KCNIP4: variants seen among roughly 807,000 people sequenced by gnomAD.
KCNIP4 encodes Kv channel-interacting protein 4.
A neutral mutation model predicts 34.0 loss-of-function variants in KCNIP4; 12 were observed. The ratio of observed to expected loss-of-function variants is 0.35; its 90% CI spans 0.23 to 0.57. The LOEUF (loss-of-function observed/expected upper bound fraction) is 0.57, where lower values mean the gene tolerates loss of function less well. Ranked by LOEUF, KCNIP4 falls within the 20% of genes least tolerant of loss-of-function variation. The probability of loss-of-function intolerance (pLI) is 0.83; values close to 1 mark genes in which losing one functional copy is unlikely to be tolerated. For synonymous variants in KCNIP4, 124 were observed against 102.2 expected (o/e 1.21, Z -1.29); for missense variants, 238 against 311.7 (o/e 0.76, Z 1.78).
At chr4:21,324,659 A>T (rs1327994973) in intron 1 of KCNIP4, among the ~76,000 whole-genome samples, 1 of 150,198 alleles carries the variant, frequency 6.7e-6, no homozygotes, top group East Asian at 1.9e-4. Context: ...TAGCTCTGAA[A>T]CATAATTTAA....
intron 1 of KCNIP4, chr4:21,850,429 G>A (rs531695392): frequency 1.3e-5 from 2 of 152,040 alleles, no homozygotes; most frequent in African/African-American, 2.4e-5. Flanking sequence ...GGGTTTTAAT[G>A]GCATGGGACC....
intron 1 of KCNIP4, among the ~76,000 whole-genome samples, chr4:21,341,131 A>G (rs1437848357): frequency 6.6e-6 from 1 of 152,122 alleles, no homozygotes; most frequent in Non-Finnish European, 1.5e-5. Context: ...GCCAAGGAAC[A>G]CTGAGGATTG....
At chr4:21,137,557 T>G (rs979465310) in intron 1 of KCNIP4, among the ~76,000 whole-genome samples, 2 of 152,212 alleles carry the variant, frequency 1.3e-5, no homozygotes, top group Non-Finnish European at 2.9e-5. Context: ...TCTTATCATC[T>G]AGTCAAAATG....
intron 1 of KCNIP4, among the ~76,000 whole-genome samples, chr4:21,612,354 G>A (rs1036713732): frequency 1.3e-5 from 2 of 152,210 alleles, no homozygotes; most frequent in Non-Finnish European, 2.9e-5. Context: ...GCACATGCCT[G>A]TAGTCCAATA....
intron 1 of KCNIP4, among the ~76,000 whole-genome samples, chr4:21,833,888 G>T (rs552896067): frequency 6.6e-6 from 1 of 152,142 alleles, no homozygotes; most frequent in Non-Finnish European, 1.5e-5. Context: ...GTTTATCAAA[G>T]ATCAGATAGT....
At chr4:21,575,571 T>C (rs2109060343) in intron 1 of KCNIP4, among the ~76,000 whole-genome samples, 1 of 152,240 alleles carries the variant, frequency 6.6e-6, no homozygotes. Flanking sequence ...AGCTAACTTC[T>C]TAGTAGTTAT....
At chr4:21,771,982 G>T (rs1388121383) in intron 1 of KCNIP4, among the ~76,000 whole-genome samples, 1 of 152,106 alleles carries the variant, frequency 6.6e-6, no homozygotes, top group African/African-American at 2.4e-5. Context: ...GGTGACAGAG[G>T]GCATCCTTGT....
intron 3 of KCNIP4, among the ~76,000 whole-genome samples, chr4:20,806,077 G>T (rs895470506): frequency 6.6e-6 from 1 of 151,692 alleles, no homozygotes; most frequent in Non-Finnish European, 1.5e-5. Flanking sequence ...GTTTCCTTTG[G>T]GGGGGCTTTC....
chr4:21,414,364 C>A (rs1230505169), intron 1 of KCNIP4, among the ~76,000 whole-genome samples: 1 of 152,036 alleles, frequency 6.6e-6, no homozygotes, highest in Admixed American at 6.6e-5. Flanking sequence ...CAGGAAAATG[C>A]AAAACAAAAT....
At chr4:21,386,461 A>G (rs1722044544) in intron 1 of KCNIP4, among the ~76,000 whole-genome samples, 1 of 152,178 alleles carries the variant, frequency 6.6e-6, no homozygotes. Context: ...TGCTCTCCAT[A>G]TTCTCTGTAT....
chr4:21,474,749 C>T (rs1224241431), intron 1 of KCNIP4, among the ~76,000 whole-genome samples: 2 of 149,576 alleles, frequency 1.3e-5, no homozygotes, highest in African/African-American at 2.4e-5. Flanking sequence ...GTAATCCCAG[C>T]GCTTTGGGAT....
intron 1 of KCNIP4, among the ~76,000 whole-genome samples, chr4:21,393,527 C>T (rs35050422): frequency 0.21 from 31,321 of 151,950 alleles, 3,688 homozygotes; most frequent in Middle Eastern, 0.3. Flanking sequence ...GGATGAGCCA[C>T]GGGAAATCTG....
intron 1 of KCNIP4, among the ~76,000 whole-genome samples, chr4:21,190,006 T>C (rs1364543711): frequency 2.0e-5 from 3 of 152,214 alleles, no homozygotes; most frequent in Non-Finnish European, 4.4e-5. Flanking sequence ...TAATGTAATC[T>C]TTGTGAAGAA....
intron 1 of KCNIP4, among the ~76,000 whole-genome samples, chr4:21,203,114 A>G (rs1756604497): frequency 6.6e-6 from 1 of 152,220 alleles, no homozygotes; most frequent in Non-Finnish European, 1.5e-5. Flanking sequence ...ACTCAGGAAA[A>G]TGACTCATGC....
intron 3 of KCNIP4, among the ~76,000 whole-genome samples, chr4:20,800,731 T>A (rs1288622043): frequency 6.6e-6 from 1 of 152,102 alleles, no homozygotes; most frequent in East Asian, 1.9e-4. Context: ...TGGTCTGACT[T>A]AGAGGAAACA....
In KCNIP4 at chr4:21,266,402, C is replaced by CA. The variant is rs58168075; in HGVS notation, c.62-383694dup. 4.2e-4 allele frequency among the ~76,000 whole-genome samples: 63 copies of CA among 150,336 alleles called. 1 individual carries two copies. The highest frequency in any genetic ancestry group is 3.4e-3 in the Middle Eastern group (1 of 290). On this transcript the variant is annotated intron_variant, in intron 1 of 8. Transcript: ENST00000382152. ...CCTTAAAAACAAAATGCCAAGGAAA[C>CA]AAAAAAAAACATGAAAATACATTGA...
At chr4:20,795,579 T>C (rs1467997281) in intron 3 of KCNIP4, among the ~76,000 whole-genome samples, 2 of 152,172 alleles carry the variant, frequency 1.3e-5, no homozygotes. Context: ...TAAATCTGAA[T>C]TGTCTGCAAG....
intron 1 of KCNIP4, among the ~76,000 whole-genome samples, chr4:21,919,093 C>T (rs922370972): frequency 1.3e-5 from 2 of 152,186 alleles, no homozygotes; most frequent in Non-Finnish European, 2.9e-5. Flanking sequence ...TGCCCCATAA[C>T]TGACTACAGA....
chr4:21,067,561 C>A (rs1388942074), intron 1 of KCNIP4, among the ~76,000 whole-genome samples: 1 of 152,140 alleles, frequency 6.6e-6, no homozygotes, highest in Non-Finnish European at 1.5e-5. Flanking sequence ...AGAAAGAACT[C>A]ATCACACTAA....
Sources: allele counts gnomAD v4.1 joint callset (sites outside exome capture counted in the v4.1 genomes callset), GRCh38; gene constraint gnomAD v4.1.1; transcripts MANE v1.5; gene names NCBI Gene and HGNC (gene_info 2026-07-23, HGNC 2026-07-21).